Variants in SDK1 observed in about 807,000 individuals in gnomAD.
SDK1 encodes the protein sidekick cell adhesion molecule 1.
In SDK1, 157 loss-of-function variants were observed where a neutral mutation model predicts 245.5. The observed-to-expected ratio is 0.64, with a 90% CI of 0.56 to 0.73. The LOEUF is 0.73. Ranked by LOEUF, SDK1 falls within the 30% of genes least tolerant of loss-of-function variation. The pLI, the probability that SDK1 is intolerant of heterozygous loss-of-function variation, is 0.00. For synonymous variants in SDK1, 1,647 were observed against 1,278.5 expected, an observed-to-expected ratio of 1.29 and a Z score of -6.15; for missense variants, 3,583 against 3,002.3, an observed-to-expected ratio of 1.19 and a Z score of -4.52.
chr7:3,445,708 T>A (rs367870815), intron 1 of SDK1, among the ~76,000 whole-genome samples: 1 of 152,186 alleles, frequency 6.6e-6, no homozygotes, highest in Non-Finnish European at 1.5e-5. Context: ...CCACACTGTT[T>A]ATAACTGTCT....
At chr7:3,450,849 C>T (rs1780492245) in intron 1 of SDK1, among the ~76,000 whole-genome samples, 1 of 151,844 alleles carries the variant, frequency 6.6e-6, no homozygotes, top group African/African-American at 2.4e-5. Flanking sequence ...AAGATGTAGG[C>T]AAAGGATCAC....
chr7:3,776,943 G>C (rs537489493), intron 4 of SDK1, among the ~76,000 whole-genome samples: 3 of 152,180 alleles, frequency 2.0e-5, no homozygotes, highest in Admixed American at 1.3e-4. Context: ...ATACCCACAC[G>C]GACTGTGATC....
intron 1 of SDK1, among the ~76,000 whole-genome samples, chr7:3,334,657 T>C (rs1780153746): frequency 6.6e-6 from 1 of 152,180 alleles, no homozygotes; most frequent in African/African-American, 2.4e-5. Context: ...TTTCCTGTCT[T>C]GCTGGTGGCA....
intron 39 of SDK1, among the ~76,000 whole-genome samples, chr7:4,220,785 T>G (rs1231715597): frequency 1.3e-5 from 2 of 151,892 alleles, no homozygotes; most frequent in Admixed American, 1.3e-4. Flanking sequence ...TGTTGTTTGT[T>G]TTTTGAGACA....
At chr7:3,595,701 G>C (rs1211391129) in intron 1 of SDK1, among the ~76,000 whole-genome samples, 1 of 151,738 alleles carries the variant, frequency 6.6e-6, no homozygotes, top group Admixed American at 6.6e-5. Flanking sequence ...AAAGTTACCA[G>C]TTCAAAGTTA....
chr7:4,140,236 C>A (rs1209193106), intron 28 of SDK1, among the ~76,000 whole-genome samples: 1 of 152,158 alleles, frequency 6.6e-6, no homozygotes, highest in East Asian at 1.9e-4. Flanking sequence ...TTGCCTCTGG[C>A]CCCCGCTGCA....
At chr7:4,197,652 G>A (rs567042001) in intron 35 of SDK1, among the ~76,000 whole-genome samples, 9 of 152,292 alleles carry the variant, frequency 5.9e-5, no homozygotes, top group South Asian at 2.1e-4. Context: ...TGGTGCTGGC[G>A]TCAGGCTCAC....
chr7:3,594,921 T>A (rs545655560), intron 1 of SDK1, among the ~76,000 whole-genome samples: 1 of 152,330 alleles, frequency 6.6e-6, no homozygotes, highest in South Asian at 2.1e-4. Context: ...AAATCATCAT[T>A]AATGTATAGG....
At chr7:3,694,729 G>C (rs528393212) in intron 4 of SDK1, among the ~76,000 whole-genome samples, 1 of 152,242 alleles carries the variant, frequency 6.6e-6, no homozygotes, top group Non-Finnish European at 1.5e-5. Flanking sequence ...TCGAGTTTCT[G>C]ATTCCATAGT....
chr7:4,015,623 C>T (rs1210988473), intron 16 of SDK1, among the ~76,000 whole-genome samples: 2 of 152,152 alleles, frequency 1.3e-5, no homozygotes, highest in Non-Finnish European at 2.9e-5. Flanking sequence ...CGTGTACTTG[C>T]TTGGTGCAGG....
chr7:4,110,859 G>T, intron 23 of SDK1, 87 bp downstream of exon 23: 8 of 860,652 alleles, frequency 9.3e-6, no homozygotes, highest in South Asian at 8.3e-5. Context: ...AAACCCAGTC[G>T]TACGTATGCA....
chr7:3,820,815 G>A (rs945262636), intron 4 of SDK1, among the ~76,000 whole-genome samples: 3 of 152,194 alleles, frequency 2.0e-5, no homozygotes, highest in African/African-American at 7.2e-5. Flanking sequence ...CAGGATGAAT[G>A]AGAAGGTCTT....
intron 5 of SDK1, among the ~76,000 whole-genome samples, chr7:3,907,472 A>G (rs567791196): frequency 6.6e-6 from 1 of 152,198 alleles, no homozygotes; most frequent in South Asian, 2.1e-4. Context: ...GCTGAACACT[A>G]TTTCATTATC....
intron 1 of SDK1, among the ~76,000 whole-genome samples, chr7:3,372,672 T>C (rs893405977): frequency 2.0e-5 from 3 of 152,156 alleles, no homozygotes; most frequent in African/African-American, 7.2e-5. Flanking sequence ...AGTTTCTCTG[T>C]TGTGAGAGTT....
In SDK1 at chr7:4,267,694, A is replaced by G. The variant is rs1213262552; in HGVS notation, c.*2310A>G. On this transcript the variant is annotated 3_prime_UTR_variant, in exon 45 of 45. Coordinates refer to ENST00000404826, the MANE Select transcript of SDK1 (RefSeq NM_152744.4). ...TAGGTTGAGGATGAGCAGATTCGAG[A>G]TATGTTTGTTGCTCTCGGGTTTTCG... The G allele has an allele frequency of 1.7e-5, 17 of 985,294 alleles. No individual in the cohort carries two copies. The highest frequency in any genetic ancestry group is 1.8e-5 in the Non-Finnish European group (15 of 829,936). The allele number at this position is 985,294 out of a possible 1,614,324, so 61.0% of individuals were successfully genotyped here.
intron 1 of SDK1, among the ~76,000 whole-genome samples, chr7:3,511,177 C>G (rs191774329): frequency 1.3e-5 from 2 of 152,290 alleles, no homozygotes; most frequent in Non-Finnish European, 2.9e-5. Flanking sequence ...TTCTGCTCAC[C>G]ATAGTCTGTG....
chr7:4,214,057 T>C (rs1784653366), intron 38 of SDK1, among the ~76,000 whole-genome samples: 1 of 152,176 alleles, frequency 6.6e-6, no homozygotes, highest in Non-Finnish European at 1.5e-5. Context: ...GCAGCTTTTC[T>C]TCTCCTCCCG....
At chr7:3,627,069 A>G (rs560654150) in intron 2 of SDK1, among the ~76,000 whole-genome samples, 2 of 152,172 alleles carry the variant, frequency 1.3e-5, no homozygotes, top group East Asian at 3.9e-4. Context: ...CTAGGGGTAC[A>G]GGCACACACC....
chr7:4,230,452 G>A (rs1234573619), intron 40 of SDK1, among the ~76,000 whole-genome samples: 1 of 144,814 alleles, frequency 6.9e-6, no homozygotes, highest in Admixed American at 6.9e-5. Context: ...AGGAGGAGAG[G>A]GAAGGGGAGT....
Sources: gnomAD v4.1 joint callset for allele counts (sites outside exome capture counted in the v4.1 genomes callset) on GRCh38, gnomAD v4.1.1 for gene constraint, MANE v1.5 for transcripts, NCBI Gene and HGNC (gene_info 2026-07-23, HGNC 2026-07-21) for gene names.